FBLN7: variants seen among roughly 807,000 people sequenced by gnomAD.
FBLN7 encodes the protein fibulin-7.
FBLN7 carries 31 observed loss-of-function variants against 44.0 expected under a neutral mutation model. The ratio of observed to expected loss-of-function variants is 0.70; its 90% confidence interval spans 0.53 to 0.95. The LOEUF is 0.95. Ranked by LOEUF, FBLN7 falls within the 40% of genes least tolerant of loss-of-function variation. FBLN7 has a pLI of 0.00. For missense variants in FBLN7, 573 were observed against 618.5 expected, an observed-to-expected ratio of 0.93 and a Z score of 0.78; for synonymous variants, 262 against 253.4, an observed-to-expected ratio of 1.03 and a Z score of -0.32.
the FBLN7 span, chr2:112,212,438 G>A: frequency 6.6e-6 from 1 of 152,244 alleles, no homozygotes; most frequent in Non-Finnish European, 1.5e-5. Flanking sequence ...AGGATGGCGA[G>A]GGGGAGAAAC....
Position 112,187,565 on chromosome 2 carries a change from C to G in FBLN7, c.*59C>G. 1 of 1,573,656 alleles carries G rather than the reference C, an allele frequency of 6.4e-7. No individual in the cohort carries two copies. The highest frequency in any genetic ancestry group is 1.7e-5 in the Admixed American group (1 of 57,818). Reference sequence around the variant, plus strand: ...ACCTCATTTCTCTTCCCCGAAGGCTCAGCTTCGGGCACCGACTGCGTGGAG... The same window carrying G: ...ACCTCATTTCTCTTCCCCGAAGGCTGAGCTTCGGGCACCGACTGCGTGGAG... On this transcript the variant is annotated 3_prime_UTR_variant, in exon 8 of 8. Coordinates refer to ENST00000331203, the MANE Select transcript of FBLN7 (RefSeq NM_153214.3). The surrounding 1 kb of genome is among the most constrained non-coding windows in gnomAD (Gnocchi z 5.1).
intron 5 of FBLN7, 132 bp from the exon 6 acceptor site, chr2:112,182,659 G>T: frequency 1.8e-6 from 2 of 1,108,066 alleles, no homozygotes; most frequent in Non-Finnish European, 2.5e-6. Context: ...AGGGCATGGC[G>T]GCTGCCCGAG....
the FBLN7 span, among the ~76,000 whole-genome samples, chr2:112,229,100 A>G: frequency 5.3e-5 from 8 of 152,194 alleles, no homozygotes; most frequent in Non-Finnish European, 8.8e-5. Flanking sequence ...AGACAAATGG[A>G]GAAGAACTGA....
the FBLN7 span, among the ~76,000 whole-genome samples, chr2:112,227,846 C>T: frequency 6.6e-6 from 1 of 151,366 alleles, no homozygotes; most frequent in Admixed American, 6.6e-5. Flanking sequence ...ACATTCCATG[C>T]TCACAGATCA....
chr2:112,156,944 G>A (rs552630027), intron 1 of FBLN7, among the ~76,000 whole-genome samples: 2 of 152,230 alleles, frequency 1.3e-5, no homozygotes, highest in East Asian at 1.9e-4. Context: ...GTGGTGCTTC[G>A]TTGGTGAGGC....
At chr2:112,156,997 C>G (rs1412144044) in intron 1 of FBLN7, among the ~76,000 whole-genome samples, 1 of 152,180 alleles carries the variant, frequency 6.6e-6, no homozygotes, top group African/African-American at 2.4e-5. Context: ...CTCCCTGCCA[C>G]TTTACTGTTC....
chr2:112,158,042 C>T (rs1681526607), intron 1 of FBLN7, among the ~76,000 whole-genome samples: 1 of 151,984 alleles, frequency 6.6e-6, no homozygotes, highest in Admixed American at 6.6e-5. Flanking sequence ...GGACTACAGG[C>T]ACCCGCCACC....
the FBLN7 span, chr2:112,215,502 T>C: frequency 6.6e-6 from 1 of 152,244 alleles, no homozygotes; most frequent in African/African-American, 2.4e-5. Context: ...ATAACTTTGA[T>C]TCCTATTTTC....
chr2:112,226,737 A>G, the FBLN7 span, among the ~76,000 whole-genome samples: 2,608 of 152,244 alleles, frequency 0.017, 42 homozygotes, highest in Non-Finnish European at 0.024. Flanking sequence ...CCTTGATACG[A>G]AAGCCAGAAA....
chr2:112,182,667 G>C, intron 5 of FBLN7, 124 bp from the exon 6 acceptor site: 2 of 1,239,604 alleles, frequency 1.6e-6, no homozygotes, highest in East Asian at 5.1e-5. Context: ...GCGGCTGCCC[G>C]AGGCCCAGCC....
chr2:112,208,079 T>C, the FBLN7 span, among the ~76,000 whole-genome samples: 18 of 152,174 alleles, frequency 1.2e-4, no homozygotes, highest in Non-Finnish European at 2.5e-4. Flanking sequence ...ATAGTTGTGT[T>C]CCAATAAAAC....
At chr2:112,153,488 C>T (rs899983673) in intron 1 of FBLN7, among the ~76,000 whole-genome samples, 8 of 152,142 alleles carry the variant, frequency 5.3e-5, no homozygotes, top group Non-Finnish European at 1.0e-4. Context: ...GGAAGACCAT[C>T]GAGCCAGGTT....
chr2:112,164,626 T>TGAGCCC (rs1406374451), intron 2 of FBLN7, among the ~76,000 whole-genome samples: 1 of 152,226 alleles, frequency 6.6e-6, no homozygotes, highest in Non-Finnish European at 1.5e-5. Context: ...GAGCTGGGGC[T>TGAGCCC]GAGCCCGGCC....
At chr2:112,229,074 T>C in the FBLN7 span, among the ~76,000 whole-genome samples, 2 of 152,130 alleles carry the variant, frequency 1.3e-5, no homozygotes, top group Admixed American at 6.5e-5. Flanking sequence ...ATTAAGATAG[T>C]ATATACTGGA....
chr2:112,231,558 GCTTT>G, the FBLN7 span, among the ~76,000 whole-genome samples: 1 of 151,994 alleles, frequency 6.6e-6, no homozygotes, highest in Non-Finnish European at 1.5e-5. Flanking sequence ...TATTTGATTT[GCTTT>G]GTTTAGCTTA....
At chr2:112,243,283 G>A in the FBLN7 span, among the ~76,000 whole-genome samples, 5 of 152,166 alleles carry the variant, frequency 3.3e-5, no homozygotes, top group African/African-American at 1.2e-4. Flanking sequence ...AGGAGCTTCC[G>A]CCTAACCTTT....
the FBLN7 span, among the ~76,000 whole-genome samples, chr2:112,197,266 CACACACACAGAGAG>C: frequency 2.1e-4 from 27 of 130,162 alleles, no homozygotes; most frequent in African/African-American, 7.6e-4. Context: ...CACACACACA[CACACACACAGAGAG>C]AGAGAGAGAG....
the FBLN7 span, among the ~76,000 whole-genome samples, chr2:112,200,517 G>T: frequency 6.6e-6 from 1 of 152,018 alleles, no homozygotes; most frequent in African/African-American, 2.4e-5. Flanking sequence ...AGGCGTAAAT[G>T]GTTTTTTTTG....
chr2:112,229,870 A>T, the FBLN7 span, among the ~76,000 whole-genome samples: 1 of 152,108 alleles, frequency 6.6e-6, no homozygotes, highest in Non-Finnish European at 1.5e-5. Flanking sequence ...TTCTTAAATG[A>T]GACACAAAAC....
Sources: gnomAD v4.1 joint callset for allele counts (sites outside exome capture counted in the v4.1 genomes callset) on GRCh38, gnomAD v4.1.1 for gene constraint, Gnocchi (gnomAD v3.1) non-coding constraint, MANE v1.5 for transcripts, NCBI Gene and HGNC (gene_info 2026-07-23, HGNC 2026-07-21) for gene names.